The following AGAP1 variants were observed in gnomAD, a reference collection of about 807,000 sequenced individuals.
The protein encoded by AGAP1 is arf-GAP with GTPase, ANK repeat and PH domain-containing protein 1.
In AGAP1, 29 loss-of-function variants were observed where a neutral mutation model predicts 105.3. The observed-to-expected ratio is 0.28, with a 90% CI of 0.21 to 0.38. The LOEUF (loss-of-function observed/expected upper bound fraction) is 0.38, where lower values mean the gene tolerates loss of function less well. AGAP1 is among the 10% of genes least tolerant of loss of function. The pLI, the probability that AGAP1 is intolerant of heterozygous loss-of-function variation, is 1.00. For missense variants in AGAP1, 998 were observed against 1,165.1 expected (o/e 0.86, Z 2.09); for synonymous variants, 509 against 485.9 (o/e 1.05, Z -0.63).
intron 13 of AGAP1, among the ~76,000 whole-genome samples, chr2:236,019,056 G>T (rs1388030826): frequency 6.6e-6 from 1 of 152,228 alleles, no homozygotes; most frequent in African/African-American, 2.4e-5. Flanking sequence ...GCAGATGTGA[G>T]CAGGCCTAAC....
At chr2:235,496,198 T>TGGGCAGCCAAG (rs1941312667) in intron 1 of AGAP1, among the ~76,000 whole-genome samples, 2 of 152,374 alleles carry the variant, frequency 1.3e-5, no homozygotes, top group Non-Finnish European at 1.5e-5. Flanking sequence ...GCTGGATGAC[T>TGGGCAGCCAAG]GGCAGACTAT....
chr2:235,926,904 C>T (rs2052476381), intron 11 of AGAP1, among the ~76,000 whole-genome samples: 1 of 152,098 alleles, frequency 6.6e-6, no homozygotes, highest in South Asian at 2.1e-4. Context: ...CCCACAGCTC[C>T]CAGATGCTTT....
At chr2:236,033,279 A>G (rs1456323141) in intron 13 of AGAP1, among the ~76,000 whole-genome samples, 1 of 152,164 alleles carries the variant, frequency 6.6e-6, no homozygotes, top group Admixed American at 6.5e-5. Context: ...TGATGAAGCC[A>G]TAGAACAGCC....
rs1946270044 is a variant in AGAP1, at chr2:235,615,240, C to T, written c.164-93939C>T. Among the ~76,000 whole-genome samples the T allele has an allele frequency of 6.6e-6, 1 of 152,150 alleles. No individual in the cohort carries two copies. Among genetic ancestry groups the T allele is most frequent in the African/African-American group, 2.4e-5 (1 of 41,446 alleles). ...CGTCCCCACCCTCGGTTGGGTTGTC[C>T]AGGGTCACATGGTTGGGAGTCAGAA... On this transcript the variant is annotated intron_variant, in intron 1 of 17. Coordinates refer to ENST00000304032, the MANE Select transcript of AGAP1 (RefSeq NM_001037131.3). The surrounding 1 kb of genome is among the most constrained non-coding windows in gnomAD (Gnocchi z 5.0).
At position 235,924,969 on chromosome 2, in the gene AGAP1, C is replaced by G. The variant is rs2052373372; in HGVS notation, c.1325-5796C>G. On this transcript the variant is annotated intron_variant, in intron 11 of 17. Coordinates refer to ENST00000304032, the MANE Select transcript of AGAP1 (RefSeq NM_001037131.3). ...CCCAGAGGAAGAAGAAACTGAGGCC[C>G]GTGGAGAGCTGGCTGCCAGCAACAG... 3.9e-5 allele frequency among the ~76,000 whole-genome samples: 6 copies of G among 152,182 alleles called. No homozygotes were observed. The South Asian group carries it at 1.2e-3, about 32-fold the overall frequency.
intron 6 of AGAP1, among the ~76,000 whole-genome samples, chr2:235,794,493 C>T (rs576791125): frequency 6.6e-5 from 10 of 151,872 alleles, no homozygotes; most frequent in Non-Finnish European, 1.3e-4. Context: ...AATTTTTTTG[C>T]GATAGTCTGA....
chr2:235,831,884 C>T (rs1017108490), intron 9 of AGAP1, among the ~76,000 whole-genome samples: 2 of 152,216 alleles, frequency 1.3e-5, no homozygotes, highest in African/African-American at 4.8e-5. Context: ...CAGGAAACTG[C>T]CAAACAGTCT....
At position 235,733,348 on chromosome 2, in the gene AGAP1, G is replaced by T. The variant is rs185593918; in HGVS notation, c.311-7615G>T. ...GCTGCCCCTTCTGTTTCTTCCCTGC[G>T]CACTTTGGGGTGAAGTGATGGGGTG... On this transcript the variant is annotated intron_variant, in intron 3 of 17. Transcript: ENST00000304032. The surrounding 1 kb of genome is among the most constrained non-coding windows in gnomAD (Gnocchi z 5.0). Among the ~76,000 whole-genome samples the T allele has an allele frequency of 1.8e-4, 27 of 152,142 alleles. 1 individual carries two copies. Among genetic ancestry groups the T allele is most frequent in the Non-Finnish European group, 3.8e-4 (26 of 68,032 alleles).
chr2:235,522,807 T>C (rs1942672663), intron 1 of AGAP1, among the ~76,000 whole-genome samples: 2 of 152,156 alleles, frequency 1.3e-5, no homozygotes, highest in African/African-American at 4.8e-5. Flanking sequence ...TATGGTGATA[T>C]CTGTTTGGTA....
At chr2:236,032,024 C>T (rs1344332302) in intron 13 of AGAP1, among the ~76,000 whole-genome samples, 3 of 152,182 alleles carry the variant, frequency 2.0e-5, no homozygotes, top group African/African-American at 7.2e-5. Flanking sequence ...CAAACCTCAC[C>T]TGCTGTTGGG....
At chr2:235,580,347 G>A (rs1944888180) in intron 1 of AGAP1, among the ~76,000 whole-genome samples, 1 of 152,022 alleles carries the variant, frequency 6.6e-6, no homozygotes, top group African/African-American at 2.4e-5. Flanking sequence ...TTAGTGGTGA[G>A]AATGAAGACG....
chr2:235,536,254 TACACAC>T (rs60307150), intron 1 of AGAP1, among the ~76,000 whole-genome samples: 1 of 4,396 alleles, frequency 2.3e-4, no homozygotes. Flanking sequence ...TGTGGCATCC[TACACAC>T]ACACACACAC....
rs1182649819 is a variant in AGAP1 at position 235,982,450 on chromosome 2, G to C, written c.1645+13827G>C. ...AGCTAGGAGGTCAGAAGGAAGGGGG[G>C]ACGATTCATGCAATGAGGCACTGCT... On this transcript the variant is annotated intron_variant, in intron 13 of 17. Transcript: ENST00000304032. This position sits in a 1 kb window ranked among gnomAD's most constrained non-coding sequence, Gnocchi z 4.9. 1.3e-5 allele frequency among the ~76,000 whole-genome samples: 2 copies of C among 152,196 alleles called. No homozygotes were observed. Among genetic ancestry groups the C allele is most frequent in the Non-Finnish European group, 2.9e-5 (2 of 68,042 alleles).
intron 1 of AGAP1, chr2:235,670,590 C>G: frequency 1.8e-6 from 1 of 549,020 alleles, no homozygotes. Context: ...CCTGAGGCGC[C>G]GCAAGGCCGG....
rs1044143528 is a variant in AGAP1, at chr2:236,090,699, T to G, written c.2115-29493T>G. Among the ~76,000 whole-genome samples, 1 of 152,064 alleles carries G rather than the reference T, an allele frequency of 6.6e-6. No individual in the cohort carries two copies. Among genetic ancestry groups the G allele is most frequent in the East Asian group, 1.9e-4 (1 of 5,184 alleles). On this transcript the variant is annotated intron_variant, in intron 16 of 17. Coordinates refer to ENST00000304032, the MANE Select transcript of AGAP1 (RefSeq NM_001037131.3). This position sits in a 1 kb window ranked among gnomAD's most constrained non-coding sequence, Gnocchi z 4.3. ...GCTTGCAAACATAATCCTTCCTTGTTTTTCTTTTGTTGGTGGTGGTTGTGT... is the reference window on the plus strand; with the variant it reads ...GCTTGCAAACATAATCCTTCCTTGTGTTTCTTTTGTTGGTGGTGGTTGTGT...
rs549608627 is a variant in AGAP1 at position 236,109,807 on chromosome 2, C to T, written c.2115-10385C>T. Among the ~76,000 whole-genome samples, 220 of 152,380 alleles carry T rather than the reference C, an allele frequency of 1.4e-3. 1 individual carries two copies. The highest frequency in any genetic ancestry group is 5.0e-3 in the African/African-American group (210 of 41,596). On this transcript the variant is annotated intron_variant, in intron 16 of 17. Transcript: ENST00000304032. This position sits in a 1 kb window ranked among gnomAD's most constrained non-coding sequence, Gnocchi z 5.4. ...TTTAATGTTATTTTGTTTCAATTCA[C>T]GTCAACACCCACGGGCAGCTTACAG...
At chr2:235,937,668 T>TC in intron 12 of AGAP1, among the ~76,000 whole-genome samples, 1 of 152,358 alleles carries the variant, frequency 6.6e-6, no homozygotes. Context: ...CCTCGGCGTG[T>TC]CTTCACCTAT....
chr2:235,685,202 T>C (rs537272102), intron 1 of AGAP1, among the ~76,000 whole-genome samples: 1 of 151,878 alleles, frequency 6.6e-6, no homozygotes, highest in African/African-American at 2.4e-5. Context: ...GACAGAAGAG[T>C]TCCTGAGAGG....
intron 16 of AGAP1, among the ~76,000 whole-genome samples, chr2:236,102,309 C>G (rs1426183244): frequency 7.5e-6 from 1 of 133,370 alleles, no homozygotes; most frequent in Non-Finnish European, 1.7e-5. Context: ...CCGAGCCACT[C>G]AGGAGGCAGA....
Sources: gnomAD v4.1 joint callset for allele counts (sites outside exome capture counted in the v4.1 genomes callset) on GRCh38, gnomAD v4.1.1 for gene constraint, Gnocchi (gnomAD v3.1) non-coding constraint, MANE v1.5 for transcripts, NCBI Gene and HGNC (gene_info 2026-07-23, HGNC 2026-07-21) for gene names.